The following ASPRV1 variants were observed in gnomAD, a reference collection of about 807,000 sequenced individuals.
The protein encoded by ASPRV1 is aspartic peptidase retroviral like 1.
A neutral mutation model predicts 11.0 loss-of-function variants in ASPRV1; 7 were observed. The observed-to-expected ratio is 0.64, with a 90% CI of 0.36 to 1.20. The LOEUF (loss-of-function observed/expected upper bound fraction) is 1.20. Ranked by LOEUF, ASPRV1 falls within the 50% of genes most tolerant of loss-of-function variation. The pLI, the probability that ASPRV1 is intolerant of heterozygous loss-of-function variation, is 0.02. For missense variants in ASPRV1, 299 were observed against 320.0 expected (o/e 0.93, Z 0.50); for synonymous variants, 136 against 138.4 (o/e 0.98, Z 0.12).
chr2:69,935,148 C>T, the ASPRV1 span, among the ~76,000 whole-genome samples: 1 of 152,332 alleles, frequency 6.6e-6, no homozygotes, highest in African/African-American at 2.4e-5. Flanking sequence ...ATAGACTTAG[C>T]TTCGAAAACC....
the ASPRV1 span, among the ~76,000 whole-genome samples, chr2:70,036,730 C>T: frequency 1.3e-5 from 2 of 152,138 alleles, no homozygotes; most frequent in Non-Finnish European, 1.5e-5. Flanking sequence ...TGCAGTGGCA[C>T]GATCATGGCT....
At chr2:70,024,029 C>T in the ASPRV1 span, among the ~76,000 whole-genome samples, 1 of 149,912 alleles carries the variant, frequency 6.7e-6, no homozygotes, top group African/African-American at 2.5e-5. Flanking sequence ...GACAGGAGGA[C>T]TGCTTGAGGC....
the ASPRV1 span, among the ~76,000 whole-genome samples, chr2:69,999,156 C>G: frequency 2.1e-4 from 32 of 152,200 alleles, no homozygotes; most frequent in Admixed American, 1.8e-3. Context: ...AGTGCAGTGG[C>G]TAGTCACAGG....
At chr2:69,978,101 G>A in the ASPRV1 span, among the ~76,000 whole-genome samples, 1 of 152,224 alleles carries the variant, frequency 6.6e-6, no homozygotes, top group East Asian at 1.9e-4. Flanking sequence ...CTGGCCAGGT[G>A]CCTGTTTCTG....
At chr2:70,055,631 G>C in the ASPRV1 span, 3 of 151,950 alleles carry the variant, frequency 2.0e-5, no homozygotes, top group Admixed American at 1.3e-4. Context: ...CTGTTGGGGG[G>C]TGGGGGTGAG....
At chr2:70,076,502 C>T in the ASPRV1 span, among the ~76,000 whole-genome samples, 1 of 151,892 alleles carries the variant, frequency 6.6e-6, no homozygotes, top group African/African-American at 2.4e-5. Context: ...GGCATTTAAC[C>T]GTCACCACCA....
chr2:69,936,157 T>C, the ASPRV1 span, among the ~76,000 whole-genome samples: 1 of 152,100 alleles, frequency 6.6e-6, no homozygotes. Flanking sequence ...ATTCTTCAGA[T>C]CACAGTGCAA....
chr2:69,984,576 A>G, the ASPRV1 span, among the ~76,000 whole-genome samples: 1 of 146,514 alleles, frequency 6.8e-6, no homozygotes, highest in Non-Finnish European at 1.5e-5. Context: ...ATAGATCCAC[A>G]CTTAAAAGAG....
chr2:69,968,922 T>C, the ASPRV1 span, among the ~76,000 whole-genome samples: 2 of 152,236 alleles, frequency 1.3e-5, no homozygotes, highest in African/African-American at 2.4e-5. Context: ...CCTCGTGTCA[T>C]GTACACTCTT....
chr2:70,040,052 G>A, the ASPRV1 span, among the ~76,000 whole-genome samples: 1 of 152,194 alleles, frequency 6.6e-6, no homozygotes, highest in African/African-American at 2.4e-5. Flanking sequence ...GTGCTTAAGA[G>A]CTATCCAGGT....
chr2:69,945,007 C>T, the ASPRV1 span, among the ~76,000 whole-genome samples: 1,115 of 152,218 alleles, frequency 7.3e-3, 14 homozygotes, highest in African/African-American at 0.026. Flanking sequence ...CTCACCTCTT[C>T]GATGTCACTA....
chr2:70,024,427 A>C, the ASPRV1 span, among the ~76,000 whole-genome samples: 1 of 152,102 alleles, frequency 6.6e-6, no homozygotes, highest in Non-Finnish European at 1.5e-5. Flanking sequence ...GTTTGGAAGG[A>C]AAGGAGATGC....
At chr2:70,001,899 G>A in the ASPRV1 span, among the ~76,000 whole-genome samples, 2 of 151,954 alleles carry the variant, frequency 1.3e-5, no homozygotes, top group African/African-American at 4.8e-5. Context: ...AAATATAAGC[G>A]ATCAATAAAA....
the ASPRV1 span, chr2:70,046,900 T>C: frequency 2.0e-5 from 3 of 152,218 alleles, no homozygotes; most frequent in Non-Finnish European, 4.4e-5. Context: ...ATTTTCTTTA[T>C]ATTTTGCTAG....
chr2:70,062,991 G>A, the ASPRV1 span, among the ~76,000 whole-genome samples: 1 of 152,102 alleles, frequency 6.6e-6, no homozygotes. Context: ...CATGGCCCTA[G>A]GAAGGAAATG....
the ASPRV1 span, among the ~76,000 whole-genome samples, chr2:69,947,598 C>T: frequency 6.6e-6 from 1 of 152,048 alleles, no homozygotes; most frequent in African/African-American, 2.4e-5. Flanking sequence ...AAGTTACTTC[C>T]GATCCACCTT....
the ASPRV1 span, among the ~76,000 whole-genome samples, chr2:70,083,166 A>G: frequency 6.6e-6 from 1 of 152,222 alleles, no homozygotes; most frequent in Non-Finnish European, 1.5e-5. Flanking sequence ...TTTTGAGTTT[A>G]AGGTAAAGCT....
the ASPRV1 span, chr2:70,085,613 G>C: frequency 1.3e-5 from 2 of 150,828 alleles, no homozygotes; most frequent in African/African-American, 5.0e-5. Context: ...TCATCTTTAT[G>C]TTTGTCTTCC....
At chr2:69,982,972 G>A in the ASPRV1 span, among the ~76,000 whole-genome samples, 5 of 152,280 alleles carry the variant, frequency 3.3e-5, no homozygotes, top group African/African-American at 1.2e-4. Context: ...AGGCTGGAGT[G>A]CAGTGGTGTG....
Sources: allele counts gnomAD v4.1 joint callset (sites outside exome capture counted in the v4.1 genomes callset), GRCh38; gene constraint gnomAD v4.1.1; transcripts MANE v1.5; gene names NCBI Gene and HGNC (gene_info 2026-07-23, HGNC 2026-07-21).